Variants in SPOCD1 observed in about 807,000 individuals in gnomAD.
The protein encoded by SPOCD1 is SPOC domain containing 1, also known as SPOC domain-containing protein 1.
SPOCD1 carries 64 observed loss-of-function variants against 92.2 expected under a neutral mutation model. That is an observed-to-expected ratio of 0.69 (90% CI 0.57 to 0.86). The LOEUF (loss-of-function observed/expected upper bound fraction) is 0.86, where lower values mean the gene tolerates loss of function less well. Ranked by LOEUF, SPOCD1 falls within the 40% of genes least tolerant of loss-of-function variation. The pLI, the probability that SPOCD1 is intolerant of heterozygous loss-of-function variation, is 0.00. For synonymous variants in SPOCD1, 578 were observed against 619.3 expected (o/e 0.93, Z 0.99); for missense variants, 1,360 against 1,543.1 (o/e 0.88, Z 1.99).
intron 10 of SPOCD1, chr1:31,796,374 G>A: frequency 1.4e-6 from 1 of 695,074 alleles, no homozygotes; most frequent in South Asian, 1.7e-5. Flanking sequence ...AAAGGAGGAG[G>A]ACCGACAGTG....
rs1253180987 is a variant in SPOCD1, at chr1:31,814,232, C to G, written c.1102G>C (p.Ala368Pro). Residue 368 changes from alanine to proline, a missense_variant, in exon 2 of 16, where the codon GCT becomes CCT. This residue lies in a region of SPOCD1 where 606 missense variants were observed against 601.5 expected (regional missense o/e 1.01). Transcript: ENST00000360482. This position sits in a 1 kb window ranked among gnomAD's most constrained non-coding sequence, Gnocchi z 4.2. ...AGCCTTCCCCTGGAAGCTGGCTGAG[C>G]CTTGGCCTCCAGCTCCTCCTGGTCC... ...AQDQEELEAK[A>P]QPASRGRLEQ... The G allele has an allele frequency of 1.3e-6, 2 of 1,582,698 alleles. No homozygotes were observed. Among genetic ancestry groups the G allele is most frequent in the East Asian group, 2.3e-5 (1 of 44,248 alleles).
rs200877051 is a variant in SPOCD1, at chr1:31,799,999, G to A, written c.1728+17C>T. The A allele has an allele frequency of 1.2e-5, 20 of 1,611,276 alleles. No individual in the cohort carries two copies. Among genetic ancestry groups the A allele is most frequent in the East Asian group, 6.7e-5 (3 of 44,838 alleles). ...GCTCCAGTGAAGGAGGCACATGGCC[G>A]GGGCAGAACAACTTGCCTGGGAACA... is the stretch of plus-strand genomic sequence containing the variant. On this transcript the variant is annotated intron_variant, in intron 5 of 15. Coordinates refer to ENST00000360482, the MANE Select transcript of SPOCD1 (RefSeq NM_144569.7).
intron 12 of SPOCD1, 147 bp from the exon 13 acceptor site, chr1:31,793,575 G>C (rs1221166492): frequency 6.7e-7 from 1 of 1,485,972 alleles, no homozygotes. Context: ...GGGGCTGCCA[G>C]GAGGCTGGGA....
chr1:31,814,793 T>G lies in SPOCD1; in HGVS notation c.541A>C (p.Ser181Arg). Residue 181 changes from serine to arginine, a missense_variant, in exon 2 of 16, where the codon AGC becomes CGC. Physicochemically the swap from Ser to Arg is moderately radical, Grantham distance 110. Coordinates refer to ENST00000360482, the MANE Select transcript of SPOCD1 (RefSeq NM_144569.7). The surrounding 1 kb of genome is among the most constrained non-coding windows in gnomAD (Gnocchi z 4.2). ...GMSSPGCDRR[S>R]PTLSKEEPPG... is the part of the protein sequence containing the mutation. ...GGCTCCTCTTTGCTGAGTGTGGGGC[T>G]TCTTCTGTCACACCCTGGAGAACTC... 1 of 1,613,308 alleles carries G rather than the reference T, an allele frequency of 6.2e-7. No homozygotes were observed. Among genetic ancestry groups the G allele is most frequent in the South Asian group, 1.1e-5 (1 of 91,018 alleles).
intron 2 of SPOCD1, among the ~76,000 whole-genome samples, chr1:31,803,591 A>T (rs867513356): frequency 2.6e-5 from 4 of 151,458 alleles, no homozygotes; most frequent in Non-Finnish European, 2.9e-5. Flanking sequence ...AAAAAAAAAA[A>T]ATAGCCAGGC....
chr1:31,800,581 T>C lies in SPOCD1; in HGVS notation c.1462A>G (p.Ile488Val), dbSNP rs151188938. 62 of 1,610,548 alleles carry C rather than the reference T, an allele frequency of 3.8e-5. No individual in the cohort carries two copies. The highest frequency in any genetic ancestry group is 3.3e-4 in the Middle Eastern group (2 of 6,080). ...SGPVIQLLGA[I>V]SHGQAGGQLP... ...TGCCCCCCTGCCTGGCCGTGGCTGA[T>C]GGCCCCCAGGAGCTGGATCACTGGC... The change falls in exon 4 of 16, where the codon ATC (isoleucine) becomes GTC (valine). Residue 488 changes from isoleucine (I) to valine (V), a missense_variant. Around this residue, in one of 3 missense-constraint regions of SPOCD1, gnomAD observed 606 missense variants for 601.5 expected, o/e 1.01. Transcript: ENST00000360482.
At chr1:31,811,624 C>T (rs1359505210) in intron 2 of SPOCD1, among the ~76,000 whole-genome samples, 1 of 152,202 alleles carries the variant, frequency 6.6e-6, no homozygotes, top group Admixed American at 6.5e-5. Context: ...ACAAGCCAGG[C>T]TGTCTCCAGG....
Position 31,800,398 on chromosome 1 carries a change from G to A in SPOCD1, c.1602+43C>T, listed in dbSNP as rs1422978172. On this transcript the variant is annotated intron_variant, in intron 4 of 15. Coordinates refer to ENST00000360482, the MANE Select transcript of SPOCD1 (RefSeq NM_144569.7). The stretch of plus-strand genomic sequence containing the variant: ...ACATCTCTGTGAATCAGGTGTGAAG[G>A]TGCCTCTCTCAGCAGGATTAAATGA... The A allele has an allele frequency of 5.3e-6, 8 of 1,507,206 alleles. No homozygotes were observed. In the East Asian group the frequency reaches 7.4e-5, roughly 14 times the overall value. 93.4% of individuals were successfully genotyped at this position (1,507,206 alleles called of 1,614,324 possible).
At chr1:31,806,905 T>C (rs1424061871) in intron 2 of SPOCD1, among the ~76,000 whole-genome samples, 2 of 152,144 alleles carry the variant, frequency 1.3e-5, no homozygotes, top group African/African-American at 4.8e-5. Context: ...GTCTTTGAAA[T>C]TCAGTGTATA....
At chr1:31,812,401 C>T (rs1424978428) in intron 2 of SPOCD1, among the ~76,000 whole-genome samples, 2 of 152,104 alleles carry the variant, frequency 1.3e-5, no homozygotes, top group Admixed American at 6.6e-5. Flanking sequence ...TGATGCAGGG[C>T]TCAGGAAAAG....
chr1:31,814,067 T>C lies in SPOCD1; in HGVS notation c.1267A>G (p.Lys423Glu), dbSNP rs1378625940. Residue 423 changes from lysine (K) to glutamate (E), a missense_variant, in exon 2 of 16, where the codon AAG (lysine) becomes GAG (glutamate). Physicochemically the swap from Lys to Glu is moderately conservative, Grantham distance 56. Around this residue, in one of 3 missense-constraint regions of SPOCD1, gnomAD observed 606 missense variants for 601.5 expected, o/e 1.01. Transcript: ENST00000360482. The surrounding 1 kb of genome is among the most constrained non-coding windows in gnomAD (Gnocchi z 4.2). ...GGCACTGGACCTTTCTTCAGGTTCT[T>C]AGTGCCCTTGGATCTTCTCTGCTCC... is the stretch of plus-strand genomic sequence containing the variant. ...FMEQRRSKGT[K>E]NLKKGPVPCA... 4 of 1,613,642 alleles carry C rather than the reference T, an allele frequency of 2.5e-6. No individual in the cohort carries two copies. Among genetic ancestry groups the C allele is most frequent in the African/African-American group, 1.3e-5 (1 of 74,936 alleles).
chr1:31,801,603 C>T (rs919714123), intron 3 of SPOCD1, 61 bp downstream of exon 3: 2 of 1,518,540 alleles, frequency 1.3e-6, no homozygotes, highest in Non-Finnish European at 1.8e-6. Flanking sequence ...AGGAGCCCTC[C>T]CACTCCACCC....
intron 2 of SPOCD1, among the ~76,000 whole-genome samples, chr1:31,813,471 G>C (rs1005282207): frequency 6.6e-6 from 1 of 152,188 alleles, no homozygotes; most frequent in Non-Finnish European, 1.5e-5. Context: ...CACCATGTTG[G>C]CCAGGATGGT....
Position 31,815,386 on chromosome 1 carries a change from G to T in SPOCD1, c.-39-14C>A. 1 of 1,489,986 alleles carries T rather than the reference G, an allele frequency of 6.7e-7. No individual in the cohort carries two copies. The allele number at this position is 1,489,986 out of a possible 1,614,324, so 92.3% of individuals were successfully genotyped here. A position where few individuals can be genotyped will look rare whatever the true frequency, so the allele number is the denominator to read the frequency against. On this transcript the variant is annotated splice_polypyrimidine_tract_variant and intron_variant, in intron 1 of 15. Coordinates refer to ENST00000360482, the MANE Select transcript of SPOCD1 (RefSeq NM_144569.7). The stretch of plus-strand genomic sequence containing the variant: ...ACAACACGGGCCCTGTGTGGAGACA[G>T]AAAGAGGAGACTTTGTCTTGGAGAG...
In SPOCD1 at chr1:31,815,233, G is replaced by C; in HGVS notation, c.101C>G (p.Ser34Cys). ...CCCATCTGGTGACAGGCCTGGCATGGAGCTGGCTCCTTCCATGTTCTGTAA... is the reference window on the plus strand; with the variant it reads ...CCCATCTGGTGACAGGCCTGGCATGCAGCTGGCTCCTTCCATGTTCTGTAA... ...ELLQNMEGASSMPGLSPDGPG... is the reference protein window; with the variant it reads ...ELLQNMEGASCMPGLSPDGPG... The change falls in exon 2 of 16, where the codon TCC (serine) becomes TGC (cysteine). Residue 34 changes from serine (S) to cysteine (C), a missense_variant. Physicochemically the swap from Ser to Cys is moderately radical, Grantham distance 112 (BLOSUM62 -1). Transcript: ENST00000360482. 1 of 1,606,352 alleles carries C rather than the reference G, an allele frequency of 6.2e-7. No homozygotes were observed.
intron 2 of SPOCD1, among the ~76,000 whole-genome samples, chr1:31,811,924 C>T (rs963393132): frequency 6.6e-6 from 1 of 152,206 alleles, no homozygotes; most frequent in African/African-American, 2.4e-5. Flanking sequence ...CTCAAACCAG[C>T]CCCCTTAAAG....
intron 10 of SPOCD1, chr1:31,796,295 T>C (rs565804112): frequency 1.0e-5 from 5 of 477,488 alleles, no homozygotes; most frequent in Non-Finnish European, 1.9e-5. Context: ...CTGGGCAGAA[T>C]GCCAGGTTGG....
At position 31,803,015 on chromosome 1, in the gene SPOCD1, A is replaced by G. The variant is rs564329750; in HGVS notation, c.1384-1310T>C. Among the ~76,000 whole-genome samples the G allele has an allele frequency of 5.8e-4, 37 of 64,154 alleles. 1 individual carries two copies. The highest frequency in any genetic ancestry group is 1.9e-3 in the African/African-American group (37 of 19,588). The allele number at this position is 64,154 out of a possible 152,430, so 42.1% of individuals were successfully genotyped here. ...AGAAAGAGGCAGAAAAAAAAAAAACAAAGAAAACAGGGGTGTGGGAAGAAT... is the reference window on the plus strand; with the variant it reads ...AGAAAGAGGCAGAAAAAAAAAAAACGAAGAAAACAGGGGTGTGGGAAGAAT... On this transcript the variant is annotated intron_variant, in intron 2 of 15. Coordinates refer to ENST00000360482, the MANE Select transcript of SPOCD1 (RefSeq NM_144569.7).
rs1557833067 is a variant in SPOCD1, at chr1:31,813,946, C to T, written c.1383+5G>A. On this transcript the variant is annotated splice_donor_5th_base_variant and intron_variant, in intron 2 of 15. Coordinates refer to ENST00000360482, the MANE Select transcript of SPOCD1 (RefSeq NM_144569.7). ...TCCTATCCCAAACTCTCAGACTCAGCTCACCAGTCTGGGGCAGCCTCCTGG... is the reference window on the plus strand; with the variant it reads ...TCCTATCCCAAACTCTCAGACTCAGTTCACCAGTCTGGGGCAGCCTCCTGG... 3.3e-6 allele frequency: 5 copies of T among 1,508,152 alleles called. No homozygotes were observed. The East Asian group carries it at 1.2e-4, about 35-fold the overall frequency. 93.4% of individuals were successfully genotyped at this position (1,508,152 alleles called of 1,614,324 possible).
Sources: gnomAD v4.1 joint callset for allele counts (sites outside exome capture counted in the v4.1 genomes callset) on GRCh38, gnomAD v4.1.1 for gene constraint, gnomAD v4.1.1 regional missense constraint, Gnocchi (gnomAD v3.1) non-coding constraint, MANE v1.5 for transcripts, NCBI Gene and HGNC (gene_info 2026-07-23, HGNC 2026-07-21) for gene names.